Variants in BRD10 observed in about 807,000 individuals in gnomAD.
BRD10 encodes the protein uncharacterized bromodomain-containing protein 10.
the BRD10 span, among the ~76,000 whole-genome samples, chr9:5,988,804 A>C: frequency 8.7e-4 from 132 of 152,304 alleles, 1 homozygote; most frequent in South Asian, 7.5e-3. Context: ...CTAAAGCACT[A>C]TCTCTTTAAT....
chr9:5,949,172 A>C, the BRD10 span, among the ~76,000 whole-genome samples: 1 of 151,970 alleles, frequency 6.6e-6, no homozygotes, highest in Non-Finnish European at 1.5e-5. Context: ...ATAATGATAT[A>C]ATCAAAACAT....
chr9:5,985,933 A>C, the BRD10 span, among the ~76,000 whole-genome samples: 1 of 152,142 alleles, frequency 6.6e-6, no homozygotes, highest in Non-Finnish European at 1.5e-5. Context: ...TTTAAAAAAA[A>C]ATTGTTGGGT....
At chr9:5,938,751 C>A in the BRD10 span, among the ~76,000 whole-genome samples, 1 of 152,124 alleles carries the variant, frequency 6.6e-6, no homozygotes, top group African/African-American at 2.4e-5. Flanking sequence ...TTGATTTTCT[C>A]CCACAGCTGA....
At chr9:6,008,365 G>A in the BRD10 span, 2 of 960,808 alleles carry the variant, frequency 2.1e-6, no homozygotes, top group Middle Eastern at 5.4e-4. Flanking sequence ...GGGCGGTGAG[G>A]GGGGAGAAAG....
chr9:5,999,486 G>C, the BRD10 span, among the ~76,000 whole-genome samples: 1 of 152,084 alleles, frequency 6.6e-6, no homozygotes, highest in Non-Finnish European at 1.5e-5. Context: ...ATCAAATTGA[G>C]TCTAGTTTTC....
the BRD10 span, among the ~76,000 whole-genome samples, chr9:5,931,460 T>C: frequency 6.6e-6 from 1 of 152,218 alleles, no homozygotes; most frequent in Non-Finnish European, 1.5e-5. Flanking sequence ...CATGGAGAAA[T>C]ATACTACTGA....
At chr9:5,980,500 A>T in the BRD10 span, among the ~76,000 whole-genome samples, 1 of 152,338 alleles carries the variant, frequency 6.6e-6, no homozygotes, top group South Asian at 2.1e-4. Context: ...ATACTGCACA[A>T]GGAAGGTAAT....
At chr9:5,916,233 G>A in the BRD10 span, among the ~76,000 whole-genome samples, 1 of 152,136 alleles carries the variant, frequency 6.6e-6, no homozygotes, top group East Asian at 1.9e-4. Flanking sequence ...AGTAACTTTG[G>A]CTAACTAAAA....
the BRD10 span, among the ~76,000 whole-genome samples, chr9:5,960,931 G>A: frequency 1.2e-4 from 18 of 152,180 alleles, no homozygotes; most frequent in African/African-American, 1.9e-4. Context: ...ATACTGATAC[G>A]CAGGGGAAAA....
At chr9:5,949,171 T>A in the BRD10 span, among the ~76,000 whole-genome samples, 2 of 151,948 alleles carry the variant, frequency 1.3e-5, no homozygotes, top group Non-Finnish European at 2.9e-5. Flanking sequence ...AATAATGATA[T>A]AATCAAAACA....
chr9:5,900,894 T>G, the BRD10 span, among the ~76,000 whole-genome samples: 1 of 145,994 alleles, frequency 6.8e-6, no homozygotes, highest in South Asian at 2.2e-4. Flanking sequence ...GCCCTTGCTC[T>G]CAGCTCAGTT....
chr9:5,961,053 T>A, the BRD10 span, among the ~76,000 whole-genome samples: 2 of 152,228 alleles, frequency 1.3e-5, no homozygotes, highest in Non-Finnish European at 2.9e-5. Context: ...TACATCTAGG[T>A]GAACCATATT....
the BRD10 span, among the ~76,000 whole-genome samples, chr9:5,900,976 G>A: frequency 2.0e-5 from 3 of 152,084 alleles, no homozygotes; most frequent in Admixed American, 6.5e-5. Context: ...ATACTTTGGG[G>A]TTCTTGCTAA....
chr9:5,984,196 G>A, the BRD10 span, among the ~76,000 whole-genome samples: 3 of 152,124 alleles, frequency 2.0e-5, no homozygotes, highest in Admixed American at 1.3e-4. Context: ...GGGTAAAGGT[G>A]TGGATTAAAT....
the BRD10 span, chr9:5,969,281 A>G: frequency 6.2e-7 from 1 of 1,613,908 alleles, no homozygotes; most frequent in East Asian, 2.2e-5. Context: ...CAAATTTAGA[A>G]TTTGCTGAGC....
At chr9:5,912,650 T>C in the BRD10 span, among the ~76,000 whole-genome samples, 4 of 152,132 alleles carry the variant, frequency 2.6e-5, no homozygotes, top group African/African-American at 9.7e-5. Flanking sequence ...TGTAGATAGA[T>C]AGGATGAGGC....
At chr9:5,973,073 A>G in the BRD10 span, among the ~76,000 whole-genome samples, 1 of 152,236 alleles carries the variant, frequency 6.6e-6, no homozygotes, top group Non-Finnish European at 1.5e-5. Context: ...ATAGGGGAAA[A>G]AAAAGTAGTA....
chr9:5,911,476 G>A, the BRD10 span, among the ~76,000 whole-genome samples: 1 of 147,176 alleles, frequency 6.8e-6, no homozygotes, highest in African/African-American at 2.5e-5. Flanking sequence ...GTAATTTGAA[G>A]TCACATAATG....
the BRD10 span, among the ~76,000 whole-genome samples, chr9:5,993,197 C>T: frequency 6.6e-6 from 1 of 151,790 alleles, no homozygotes; most frequent in South Asian, 2.1e-4. Flanking sequence ...CGTCTGTAGT[C>T]CCAGCTACTC....
Sources: allele counts gnomAD v4.1 joint callset (sites outside exome capture counted in the v4.1 genomes callset), GRCh38; gene constraint gnomAD v4.1.1; transcripts MANE v1.5; gene names NCBI Gene and HGNC (gene_info 2026-07-23, HGNC 2026-07-21).